The following PARD3B variants were observed in gnomAD, a reference collection of about 807,000 sequenced individuals.
PARD3B encodes the protein par-3 family cell polarity regulator beta.
PARD3B carries 103 observed loss-of-function variants against 130.2 expected under a neutral mutation model. The ratio of observed to expected loss-of-function variants is 0.79; its 90% CI spans 0.67 to 0.93. PARD3B has a LOEUF of 0.93. Among genes scored for constraint, PARD3B ranks in the 40% least tolerant of loss-of-function variants. The probability of loss-of-function intolerance (pLI) is 0.00; values close to 1 mark genes in which losing one functional copy is unlikely to be tolerated. For missense variants in PARD3B, 1,609 were observed against 1,499.2 expected (o/e 1.07, Z -1.21); for synonymous variants, 583 against 553.2 (o/e 1.05, Z -0.76).
At chr2:204,865,926 C>A (rs1439082004) in intron 2 of PARD3B, among the ~76,000 whole-genome samples, 1 of 152,090 alleles carries the variant, frequency 6.6e-6, no homozygotes, top group Non-Finnish European at 1.5e-5. Context: ...AATCTTTGAA[C>A]CTTGGTTATG....
intron 2 of PARD3B, among the ~76,000 whole-genome samples, chr2:204,895,695 G>A (rs982209965): frequency 1.3e-5 from 2 of 151,998 alleles, no homozygotes; most frequent in Non-Finnish European, 2.9e-5. Flanking sequence ...TTATCTTTAG[G>A]ATATATTATC....
intron 2 of PARD3B, among the ~76,000 whole-genome samples, chr2:204,787,169 A>G (rs2042041476): frequency 7.3e-6 from 1 of 136,624 alleles, no homozygotes; most frequent in South Asian, 2.3e-4. Flanking sequence ...GAGTGCTGCC[A>G]TTCCTCAGCC....
At chr2:204,558,295 C>T (rs953768826) in intron 1 of PARD3B, 1 of 152,088 alleles carries the variant, frequency 6.6e-6, no homozygotes, top group Non-Finnish European at 1.5e-5. Flanking sequence ...ATTTAGAAAA[C>T]CCCATTGTCT....
chr2:205,013,811 C>G (rs151021204), intron 3 of PARD3B, among the ~76,000 whole-genome samples: 36 of 152,144 alleles, frequency 2.4e-4, no homozygotes, highest in Non-Finnish European at 4.6e-4. Context: ...GGGCAGAGTT[C>G]CTGTTGGGAT....
intron 2 of PARD3B, among the ~76,000 whole-genome samples, chr2:204,851,608 G>A (rs1057211768): frequency 7.9e-5 from 12 of 152,032 alleles, no homozygotes; most frequent in Admixed American, 7.9e-4. Flanking sequence ...TTTTATACAG[G>A]TTAAATAGAT....
At chr2:205,520,685 T>A (rs1553536212) in intron 21 of PARD3B, among the ~76,000 whole-genome samples, 5 of 151,300 alleles carry the variant, frequency 3.3e-5, no homozygotes, top group Non-Finnish European at 7.4e-5. Flanking sequence ...TTTCTTTCTA[T>A]ACACACACAC....
intron 1 of PARD3B, among the ~76,000 whole-genome samples, chr2:204,638,466 T>C (rs1323841599): frequency 6.6e-6 from 1 of 152,212 alleles, no homozygotes; most frequent in Non-Finnish European, 1.5e-5. Flanking sequence ...TTTCACACAT[T>C]GTGTATTACT....
At chr2:204,837,962 T>G (rs1352083807) in intron 2 of PARD3B, among the ~76,000 whole-genome samples, 1 of 151,604 alleles carries the variant, frequency 6.6e-6, no homozygotes, top group Non-Finnish European at 1.5e-5. Flanking sequence ...TCTGGAGCAC[T>G]GTGCCCTAAG....
At chr2:205,396,560 A>G (rs2046037868) in intron 18 of PARD3B, among the ~76,000 whole-genome samples, 1 of 152,200 alleles carries the variant, frequency 6.6e-6, no homozygotes, top group South Asian at 2.1e-4. Flanking sequence ...GCGTATGTTG[A>G]AAGGTGATTT....
At chr2:205,414,134 T>C (rs2106064629) in intron 19 of PARD3B, among the ~76,000 whole-genome samples, 1 of 152,332 alleles carries the variant, frequency 6.6e-6, no homozygotes, top group East Asian at 1.9e-4. Context: ...CCATTTGTGA[T>C]GTATCAGATG....
At chr2:205,542,863 A>T (rs1275726921) in intron 21 of PARD3B, among the ~76,000 whole-genome samples, 1 of 152,222 alleles carries the variant, frequency 6.6e-6, no homozygotes. Flanking sequence ...TTTTGTAAGG[A>T]ATATGAAAAG....
chr2:205,262,302 A>T (rs1371621163), intron 16 of PARD3B, among the ~76,000 whole-genome samples: 1 of 152,152 alleles, frequency 6.6e-6, no homozygotes, highest in East Asian at 1.9e-4. Flanking sequence ...AGTAAAACAG[A>T]TGATGTACTA....
In PARD3B at chr2:205,584,602, C is replaced by T. The variant is rs1207592721; in HGVS notation, c.3261-30854C>T. ...CTGAGGCAGGAGAATCGCTTGAACCCGGGAGGCAGAGGTTGCAGTGAGCCA... is the reference window on the plus strand; with the variant it reads ...CTGAGGCAGGAGAATCGCTTGAACCTGGGAGGCAGAGGTTGCAGTGAGCCA... On this transcript the variant is annotated intron_variant, in intron 22 of 22. Coordinates refer to ENST00000406610, the MANE Select transcript of PARD3B (RefSeq NM_001302769.2). This position sits in a 1 kb window ranked among gnomAD's most constrained non-coding sequence, Gnocchi z 5.5. Among the ~76,000 whole-genome samples, 9 of 152,102 alleles carry T rather than the reference C, an allele frequency of 5.9e-5. No individual in the cohort carries two copies. Among genetic ancestry groups the T allele is most frequent in the East Asian group, 1.9e-4 (1 of 5,166 alleles).
intron 2 of PARD3B, among the ~76,000 whole-genome samples, chr2:204,857,438 C>A (rs2044996903): frequency 6.6e-6 from 1 of 151,976 alleles, no homozygotes; most frequent in Admixed American, 6.6e-5. Context: ...ATGACTGAGG[C>A]CCCTATAGGA....
rs1449552936 is a variant in PARD3B, at chr2:205,146,103, G to T, written c.1435-12619G>T. On this transcript the variant is annotated intron_variant, in intron 10 of 22. Transcript: ENST00000406610. The surrounding 1 kb of genome is among the most constrained non-coding windows in gnomAD (Gnocchi z 4.3). ...TCGGTGCCACCCTTGCTTCCTGGGT[G>T]CAAGTCTCATCTGTGGATACAGCAG... Among the ~76,000 whole-genome samples, 2 of 152,184 alleles carry T rather than the reference G, an allele frequency of 1.3e-5. No homozygotes were observed. Among genetic ancestry groups the T allele is most frequent in the African/African-American group, 4.8e-5 (2 of 41,446 alleles).
At position 204,694,760 on chromosome 2, in the gene PARD3B, A is replaced by G. The variant is rs80240615; in HGVS notation, c.222+8478A>G. Among the ~76,000 whole-genome samples the G allele has an allele frequency of 7.2e-3, 1,093 of 152,130 alleles. 75 individuals carry two copies. In the East Asian group the frequency reaches 0.16, roughly 22 times the overall value. ...CCATGTCAGATATGTGCCTTCCGCAATTTAGTTGGTTGACAACTATAGTGT... is the reference window on the plus strand; with the variant it reads ...CCATGTCAGATATGTGCCTTCCGCAGTTTAGTTGGTTGACAACTATAGTGT... On this transcript the variant is annotated intron_variant, in intron 2 of 22. Transcript: ENST00000406610.
chr2:205,424,844 T>C (rs1024309327), intron 19 of PARD3B, among the ~76,000 whole-genome samples: 6 of 152,162 alleles, frequency 3.9e-5, no homozygotes, highest in African/African-American at 1.4e-4. Context: ...AACAATGCTG[T>C]GCTCCAGAAA....
At chr2:205,602,940 T>A (rs1389620449) in intron 22 of PARD3B, among the ~76,000 whole-genome samples, 1 of 152,202 alleles carries the variant, frequency 6.6e-6, no homozygotes, top group Admixed American at 6.5e-5. Context: ...CCAGTTCTTT[T>A]AATTGTGATG....
rs767314785 is a variant in PARD3B, at chr2:205,576,000, G to A, written c.3260+22597G>A. Among the ~76,000 whole-genome samples the A allele has an allele frequency of 6.6e-6, 1 of 152,200 alleles. No individual in the cohort carries two copies. The highest frequency in any genetic ancestry group is 1.5e-5 in the Non-Finnish European group (1 of 68,028). On this transcript the variant is annotated intron_variant, in intron 22 of 22. Coordinates refer to ENST00000406610, the MANE Select transcript of PARD3B (RefSeq NM_001302769.2). This position sits in a 1 kb window ranked among gnomAD's most constrained non-coding sequence, Gnocchi z 4.6. ...TTTTGAATTCCCACAAGCAATGAGT[G>A]AGAGTTCCTGTTGCTCCACATCCTT...
Sources: allele counts gnomAD v4.1 joint callset (sites outside exome capture counted in the v4.1 genomes callset), GRCh38; gene constraint gnomAD v4.1.1; non-coding constraint Gnocchi (gnomAD v3.1); transcripts MANE v1.5; gene names NCBI Gene and HGNC (gene_info 2026-07-23, HGNC 2026-07-21).